Variants in HIF3A observed in about 807,000 individuals in gnomAD.
HIF3A encodes the protein hypoxia inducible factor 3 subunit alpha.
In HIF3A, 41 loss-of-function variants were observed where a neutral mutation model predicts 67.2. That is an observed-to-expected ratio of 0.61 (90% confidence interval 0.48 to 0.79). The LOEUF (loss-of-function observed/expected upper bound fraction) is 0.79. Ranked by LOEUF, HIF3A falls within the 30% of genes least tolerant of loss-of-function variation. HIF3A has a pLI of 0.00. For synonymous variants in HIF3A, 356 were observed against 374.8 expected, an observed-to-expected ratio of 0.95 and a Z score of 0.58; for missense variants, 855 against 898.0, an observed-to-expected ratio of 0.95 and a Z score of 0.61.
At chr19:46,328,134 G>A (rs1411492733) in intron 11 of HIF3A, among the ~76,000 whole-genome samples, 1 of 152,218 alleles carries the variant, frequency 6.6e-6, no homozygotes, top group East Asian at 1.9e-4. Context: ...AATCACAATG[G>A]TGGTTCTTTC....
chr19:46,312,092 C>G (rs1359202063), intron 6 of HIF3A, 69 bp from the exon 7 acceptor site: 2 of 1,127,864 alleles, frequency 1.8e-6, no homozygotes, highest in South Asian at 2.5e-5. Flanking sequence ...TCTGCTGCTA[C>G]TTCCCTCTGC....
At chr19:46,303,671 G>T (rs758631214) in intron 1 of HIF3A, 1 of 1,587,430 alleles carries the variant, frequency 6.3e-7, no homozygotes, top group Non-Finnish European at 8.6e-7. Flanking sequence ...AGGCACCATG[G>T]ACTGGCAAGA....
At chr19:46,299,192 A>G (rs1328950132) in intron 1 of HIF3A, among the ~76,000 whole-genome samples, 1 of 152,198 alleles carries the variant, frequency 6.6e-6, no homozygotes, top group African/African-American at 2.4e-5. Context: ...AGGGGGCTGG[A>G]CCAGGGCTGG....
Position 46,321,892 on chromosome 19 carries a change from A to G in HIF3A, c.1261A>G (p.Ile421Val), listed in dbSNP as rs200409386. The G allele has an allele frequency of 8.1e-6, 13 of 1,613,908 alleles. No individual in the cohort carries two copies. The East Asian group carries it at 2.9e-4, about 36-fold the overall frequency. ...TGACCTCCGTCGCCTCCTGGGACCC[A>G]TCCTGGATGGGGCTTCAGTAGCAGC... The part of the protein sequence containing the change: ...SPDLRRLLGP[I>V]LDGASVAATP... Residue 421 changes from isoleucine to valine, a missense_variant, in exon 10 of 15, where the codon ATC (isoleucine) becomes GTC (valine). Ile to Val is a conservative substitution (Grantham distance 29). Around this residue, in one of 3 missense-constraint regions of HIF3A, gnomAD observed 638 missense variants for 660.5 expected, o/e 0.97. Transcript: ENST00000377670.
chr19:46,307,051 C>G (rs527867333), intron 3 of HIF3A, among the ~76,000 whole-genome samples: 149 of 152,138 alleles, frequency 9.8e-4, no homozygotes, highest in African/African-American at 3.6e-3. Flanking sequence ...TTCTAGAATA[C>G]TCTTACTCCA....
chr19:46,339,446 G>A (rs1971849274), intron 14 of HIF3A, 79 bp from the exon 15 acceptor site: 1 of 898,708 alleles, frequency 1.1e-6, no homozygotes, highest in African/African-American at 1.7e-5. Flanking sequence ...CATTATTCCT[G>A]ACATTGGGGT....
At chr19:46,316,532 G>T (rs930632799) in intron 8 of HIF3A, among the ~76,000 whole-genome samples, 1 of 152,130 alleles carries the variant, frequency 6.6e-6, no homozygotes, top group African/African-American at 2.4e-5. Flanking sequence ...GTCGTGCGCA[G>T]TGGCTCATGC....
In HIF3A at chr19:46,331,958, T is replaced by C. The variant is rs568034178; in HGVS notation, c.1830+685T>C. 2.6e-5 allele frequency among the ~76,000 whole-genome samples: 4 copies of C among 151,458 alleles called. No individual in the cohort carries two copies. The South Asian group carries it at 8.3e-4, about 32-fold the overall frequency. ...TGGTATCTGCAGGGATCTTCTCTGC[T>C]CCCATGGGACCCCCTCCCCAAACTA... On this transcript the variant is annotated intron_variant, in intron 13 of 14. Coordinates refer to ENST00000377670, the MANE Select transcript of HIF3A (RefSeq NM_152795.4).
At position 46,320,546 on chromosome 19, in the gene HIF3A, C is replaced by G; in HGVS notation, c.1129C>G (p.Pro377Ala). 6.2e-7 allele frequency: 1 copy of G among 1,613,692 alleles called. No individual in the cohort carries two copies. Among genetic ancestry groups the G allele is most frequent in the Non-Finnish European group, 8.5e-7 (1 of 1,179,660 alleles). Residue 377 changes from proline to alanine, a missense_variant, in exon 9 of 15, where the codon CCT becomes GCT. Around this residue, in one of 3 missense-constraint regions of HIF3A, gnomAD observed 638 missense variants for 660.5 expected, o/e 0.97. Transcript: ENST00000377670. ...CCCCTCTCAGAAGGACACCCCTAAC[C>G]CTGGGGACAGCCTTGGTATGGGGCA... ...GAPSQKDTPN[P>A]GDSLDTPGPR...
chr19:46,323,066 T>A (rs534056506), intron 10 of HIF3A, among the ~76,000 whole-genome samples: 1 of 151,510 alleles, frequency 6.6e-6, no homozygotes, highest in Non-Finnish European at 1.5e-5. Context: ...TGTTTTTTTT[T>A]TGAGACGGAG....
rs565332631 is a variant in HIF3A, at chr19:46,330,095, T to A, written c.1712+617T>A. On this transcript the variant is annotated intron_variant, in intron 12 of 14. Transcript: ENST00000377670. ...AATGGAAAAAAGAAAAGAAACTGTCTAGAACTAAATTGCAAGCATGTGCTC... is the reference window on the plus strand; with the variant it reads ...AATGGAAAAAAGAAAAGAAACTGTCAAGAACTAAATTGCAAGCATGTGCTC... Among the ~76,000 whole-genome samples, 4 of 151,674 alleles carry A rather than the reference T, an allele frequency of 2.6e-5. No individual in the cohort carries two copies. In the East Asian group the frequency reaches 7.7e-4, roughly 29 times the overall value.
At chr19:46,308,390 G>T in intron 4 of HIF3A, 85 bp downstream of exon 4, 3 of 843,214 alleles carry the variant, frequency 3.6e-6, no homozygotes, top group South Asian at 3.1e-5. Flanking sequence ...CCCACCTCCT[G>T]TGGAACACCA....
At position 46,320,570 on chromosome 19, in the gene HIF3A, C is replaced by T. The variant is rs946485477; in HGVS notation, c.1144+9C>T. 8 of 1,603,674 alleles carry T rather than the reference C, an allele frequency of 5.0e-6. No individual in the cohort carries two copies. Among genetic ancestry groups the T allele is most frequent in the Non-Finnish European group, 6.8e-6 (8 of 1,171,028 alleles). On this transcript the variant is annotated intron_variant, in intron 9 of 14. Coordinates refer to ENST00000377670, the MANE Select transcript of HIF3A (RefSeq NM_152795.4). ...CCCTGGGGACAGCCTTGGTATGGGG[C>T]AGGGCTGGGGCCGGGAGGGGTTGTG...
chr19:46,336,152 C>T (rs1366130746), intron 14 of HIF3A, among the ~76,000 whole-genome samples: 4 of 138,512 alleles, frequency 2.9e-5, no homozygotes. Context: ...GGAGTGCAGC[C>T]GTGCGATCTT....
chr19:46,333,598 G>A (rs902644098), intron 13 of HIF3A, among the ~76,000 whole-genome samples: 3 of 152,034 alleles, frequency 2.0e-5, no homozygotes, highest in Non-Finnish European at 4.4e-5. Flanking sequence ...GAAGGAGAAG[G>A]GGGATGAGGC....
At chr19:46,326,068 T>C (rs1322792898) in intron 11 of HIF3A, among the ~76,000 whole-genome samples, 2 of 152,252 alleles carry the variant, frequency 1.3e-5, no homozygotes, top group East Asian at 3.9e-4. Flanking sequence ...TATCTGCTGG[T>C]TTTTGCTGAG....
chr19:46,328,680 C>T lies in HIF3A; in HGVS notation c.1441-527C>T, dbSNP rs139655439. 6.5e-3 allele frequency among the ~76,000 whole-genome samples: 989 copies of T among 152,120 alleles called. 2 individuals are homozygous for T. Among genetic ancestry groups the T allele is most frequent in the Middle Eastern group, 0.014 (4 of 288 alleles). ...TCTCTCTAAGCCCTCACTGAGTCTTCTCAATGTTCAGATTTTGACCAATGG... is the reference window on the plus strand; with the variant it reads ...TCTCTCTAAGCCCTCACTGAGTCTTTTCAATGTTCAGATTTTGACCAATGG... On this transcript the variant is annotated intron_variant, in intron 11 of 14. Coordinates refer to ENST00000377670, the MANE Select transcript of HIF3A (RefSeq NM_152795.4).
At chr19:46,320,750 CT>C (rs1970302029) in intron 9 of HIF3A, among the ~76,000 whole-genome samples, 189 bp downstream of exon 9, 1 of 152,224 alleles carries the variant, frequency 6.6e-6, no homozygotes, top group Non-Finnish European at 1.5e-5. Flanking sequence ...GCCTCAGGGC[CT>C]TTGCACATGC....
Position 46,297,236 on chromosome 19 carries a change from C to G in HIF3A, c.26+134C>G, listed in dbSNP as rs1967932607. 1 of 499,614 alleles carries G rather than the reference C, an allele frequency of 2.0e-6. No homozygotes were observed. Among genetic ancestry groups the G allele is most frequent in the South Asian group, 7.5e-5 (1 of 13,260 alleles). The allele number at this position is 499,614 out of a possible 1,614,324, so 30.9% of individuals were successfully genotyped here. On this transcript the variant is annotated intron_variant, in intron 1 of 14. Coordinates refer to ENST00000377670, the MANE Select transcript of HIF3A (RefSeq NM_152795.4). This position sits in a 1 kb window ranked among gnomAD's most constrained non-coding sequence, Gnocchi z 4.5. ...GCCCCGGGGCGCGCAGTTGGAGGCA[C>G]ATCCCCACCGCACTCTCCACCCTTA...
Sources: gnomAD v4.1 joint callset for allele counts (sites outside exome capture counted in the v4.1 genomes callset) on GRCh38, gnomAD v4.1.1 for gene constraint, gnomAD v4.1.1 regional missense constraint, Gnocchi (gnomAD v3.1) non-coding constraint, MANE v1.5 for transcripts, NCBI Gene and HGNC (gene_info 2026-07-23, HGNC 2026-07-21) for gene names.